KAT6B: variants seen among roughly 807,000 people sequenced by gnomAD.
KAT6B encodes the protein histone acetyltransferase KAT6B.
A neutral mutation model predicts 187.5 loss-of-function variants in KAT6B; 10 were observed. That is an observed-to-expected ratio of 0.05 (90% CI 0.03 to 0.09). The LOEUF is 0.09. Among genes scored for constraint, KAT6B ranks in the 10% least tolerant of loss-of-function variants. The pLI is 1.00. For synonymous variants in KAT6B, 861 were observed against 926.8 expected, an observed-to-expected ratio of 0.93 and a Z score of 1.29; for missense variants, 1,952 against 2,558.9, an observed-to-expected ratio of 0.76 and a Z score of 5.12.
intron 1 of KAT6B, 53 bp downstream of exon 1, chr10:74,826,838 G>A (rs1376733064): frequency 1.3e-5 from 2 of 151,484 alleles, no homozygotes; most frequent in African/African-American, 4.9e-5. Flanking sequence ...GCGGGAGGGG[G>A]GAACAGACGG....
Position 74,979,887 on chromosome 10 carries a change from G to A in KAT6B, c.2231+548G>A, listed in dbSNP as rs186644354. 6.0e-3 allele frequency among the ~76,000 whole-genome samples: 908 copies of A among 152,222 alleles called. 11 individuals are homozygous for A. Among genetic ancestry groups the A allele is most frequent in the African/African-American group, 0.021 (863 of 41,540 alleles). ...TGACTTTGAAGAGAAGGCCAGGCCC[G>A]GTGACTCACTCCTGTAATCCCATCA... On this transcript the variant is annotated intron_variant, in intron 10 of 17. Coordinates refer to ENST00000287239, the MANE Select transcript of KAT6B (RefSeq NM_012330.4).
intron 4 of KAT6B, among the ~76,000 whole-genome samples, chr10:74,965,307 AG>A (rs1841382246): frequency 6.6e-6 from 1 of 152,014 alleles, no homozygotes; most frequent in African/African-American, 2.4e-5. Context: ...TCTCTTTTTT[AG>A]GGAGGCCTTT....
rs997785649 is a variant in KAT6B, at chr10:75,025,179, G to C, written c.3594G>C (p.Gly1198=). Residue 1198 remains glycine, a synonymous_variant, in exon 17 of 18, where the codon GGG becomes GGC. Coordinates refer to ENST00000287239, the MANE Select transcript of KAT6B (RefSeq NM_012330.4). ...VLRKAFQHQP[G]KKRQTEEEEG... ...GAAAAGCATTCCAGCATCAGCCTGG[G>C]AAGAAAAGACAAACAGAGGAAGAGG... 6.8e-6 allele frequency: 11 copies of C among 1,614,094 alleles called. No homozygotes were observed. In the Middle Eastern group the frequency reaches 8.2e-4, roughly 121 times the overall value.
At position 75,029,275 on chromosome 10, in the gene KAT6B, C is replaced by G; in HGVS notation, c.4451C>G (p.Ser1484Cys). 6.2e-7 allele frequency: 1 copy of G among 1,614,152 alleles called. No individual in the cohort carries two copies. Among genetic ancestry groups the G allele is most frequent in the African/African-American group, 1.3e-5 (1 of 75,026 alleles). Residue 1484 changes from serine (S) to cysteine (C), a missense_variant, in exon 18 of 18, where the codon TCT (serine) becomes TGT (cysteine). Physicochemically the swap from Ser to Cys is moderately radical, Grantham distance 112. Transcript: ENST00000287239. This position sits in a 1 kb window ranked among gnomAD's most constrained non-coding sequence, Gnocchi z 6.2. ...GACTGTGGCGTCGACCTGACAGCTT[C>G]TTGTAACAGTGAGCCCAAGGAGCTT... The part of the protein sequence containing the change: ...LMDCGVDLTA[S>C]CNSEPKELAG...
chr10:74,922,798 A>ATG (rs1848231507), intron 3 of KAT6B, among the ~76,000 whole-genome samples: 1 of 152,234 alleles, frequency 6.6e-6, no homozygotes, highest in African/African-American at 2.4e-5. Context: ...AGTTTGGTAT[A>ATG]TGTAACCTCC....
At chr10:74,847,521 G>A (rs1407077468) in intron 3 of KAT6B, among the ~76,000 whole-genome samples, 2 of 152,064 alleles carry the variant, frequency 1.3e-5, no homozygotes, top group East Asian at 1.9e-4. Flanking sequence ...AAAAGTAGCC[G>A]GGCATGGTGG....
At chr10:74,828,485 C>G (rs553008520) in intron 1 of KAT6B, among the ~76,000 whole-genome samples, 1 of 149,310 alleles carries the variant, frequency 6.7e-6, no homozygotes, top group African/African-American at 2.5e-5. Flanking sequence ...TGCATTCTTC[C>G]TGTCTTACTT....
intron 3 of KAT6B, among the ~76,000 whole-genome samples, chr10:74,896,924 TATG>T (rs902208436): frequency 6.6e-6 from 1 of 152,210 alleles, no homozygotes; most frequent in Non-Finnish European, 1.5e-5. Flanking sequence ...ACCAAAGTAT[TATG>T]ATGATTAATT....
chr10:74,945,729 CATGAG>C lies in KAT6B; in HGVS notation c.622-14240_622-14236del, dbSNP rs1564580343. The stretch of plus-strand genomic sequence containing the variant: ...CCTCCCAAAGTGCTGGGATTACAGG[CATGAG>C]CCACTGTGCCCGCCGGCCTGCCCAA... On this transcript the variant is annotated intron_variant, in intron 3 of 17. Coordinates refer to ENST00000287239, the MANE Select transcript of KAT6B (RefSeq NM_012330.4). Among the ~76,000 whole-genome samples the C allele has an allele frequency of 3.2e-4, 49 of 152,246 alleles. 1 individual carries two copies. Among genetic ancestry groups the C allele is most frequent in the African/African-American group, 1.1e-3 (46 of 41,548 alleles).
intron 1 of KAT6B, among the ~76,000 whole-genome samples, chr10:74,828,002 G>T (rs1168059221): frequency 6.6e-6 from 1 of 152,106 alleles, no homozygotes; most frequent in East Asian, 1.9e-4. Flanking sequence ...GTCTTCAAGG[G>T]AGTGTCCGGC....
intron 3 of KAT6B, among the ~76,000 whole-genome samples, chr10:74,949,107 A>G (rs943096218): frequency 2.0e-5 from 3 of 152,228 alleles, no homozygotes; most frequent in African/African-American, 2.4e-5. Context: ...TGATTTTAAA[A>G]TTCCATTTTT....
intron 3 of KAT6B, among the ~76,000 whole-genome samples, chr10:74,862,925 C>A (rs974116404): frequency 6.6e-6 from 1 of 152,144 alleles, no homozygotes; most frequent in Non-Finnish European, 1.5e-5. Flanking sequence ...AGCTGTAAAC[C>A]GATGTCCTCA....
intron 6 of KAT6B, 124 bp downstream of exon 6, chr10:74,970,225 A>G (rs1393008196): frequency 5.6e-6 from 4 of 714,136 alleles, no homozygotes; most frequent in South Asian, 4.6e-5. Flanking sequence ...CACCTTCCCT[A>G]TACTTCTGAG....
chr10:74,826,087 C>T (rs1423322860), upstream of KAT6B, among the ~76,000 whole-genome samples: 1 of 150,948 alleles, frequency 6.6e-6, no homozygotes, highest in Non-Finnish European at 1.5e-5. Context: ...CTGCGGCCGC[C>T]GCCAGCGATC....
chr10:74,974,010 G>A (rs11001230), intron 7 of KAT6B, among the ~76,000 whole-genome samples: 11,578 of 152,236 alleles, frequency 0.076, 592 homozygotes, highest in South Asian at 0.27. Flanking sequence ...GACAGTCTAG[G>A]GAGTTTTCCT....
rs944512002 is a variant in KAT6B at position 75,022,355 on chromosome 10, G to C, written c.3372+124G>C. Reference sequence around the variant, plus strand: ...TTTAGTCGTAGTTTATGTGTACCCAGTCCCGCTGATCATATATCATAATCG... The same window carrying C: ...TTTAGTCGTAGTTTATGTGTACCCACTCCCGCTGATCATATATCATAATCG... On this transcript the variant is annotated intron_variant, in intron 16 of 17. Transcript: ENST00000287239. The C allele has an allele frequency of 4.8e-6, 5 of 1,043,242 alleles. No individual in the cohort carries two copies. In the African/African-American group the frequency reaches 7.9e-5, roughly 16 times the overall value. The allele number at this position is 1,043,242 out of a possible 1,614,324, so 64.6% of individuals were successfully genotyped here.
intron 1 of KAT6B, among the ~76,000 whole-genome samples, chr10:74,836,756 C>T (rs970719988): frequency 5.3e-5 from 8 of 152,200 alleles, no homozygotes; most frequent in Admixed American, 2.6e-4. Context: ...GTCCCTTCCC[C>T]TAAACAGTTC....
intron 3 of KAT6B, among the ~76,000 whole-genome samples, chr10:74,847,391 A>G (rs1381239399): frequency 6.6e-6 from 1 of 152,232 alleles, no homozygotes; most frequent in Non-Finnish European, 1.5e-5. Flanking sequence ...AGCTGGGTGC[A>G]GTGGCTCATG....
intron 3 of KAT6B, among the ~76,000 whole-genome samples, chr10:74,901,021 T>C (rs1486166115): frequency 1.4e-4 from 21 of 152,110 alleles, no homozygotes; most frequent in Non-Finnish European, 3.1e-4. Context: ...ATTTTAAGTA[T>C]AAAATCTTAA....
Sources: allele counts gnomAD v4.1 joint callset (sites outside exome capture counted in the v4.1 genomes callset), GRCh38; gene constraint gnomAD v4.1.1; non-coding constraint Gnocchi (gnomAD v3.1); transcripts MANE v1.5; gene names NCBI Gene and HGNC (gene_info 2026-07-23, HGNC 2026-07-21).